ZNF276: variants seen among roughly 807,000 people sequenced by gnomAD.
ZNF276 encodes the protein zinc finger protein 276.
ZNF276 carries 59 observed loss-of-function variants against 63.9 expected under a neutral mutation model. The ratio of observed to expected loss-of-function variants is 0.92; its 90% CI spans 0.75 to 1.15. The LOEUF (loss-of-function observed/expected upper bound fraction) is 1.15, where lower values mean the gene tolerates loss of function less well. Among genes scored for constraint, ZNF276 ranks in the 50% most tolerant of loss-of-function variants. ZNF276 has a pLI of 0.00. For missense variants in ZNF276, 1,084 were observed against 843.8 expected (o/e 1.28, Z -3.53); for synonymous variants, 496 against 348.4 (o/e 1.42, Z -4.72).
At chr16:89,729,414 AC>A in intron 6 of ZNF276, 96 bp downstream of exon 6, 1 of 1,103,128 alleles carries the variant, frequency 9.1e-7, no homozygotes, top group Non-Finnish European at 1.4e-6. Flanking sequence ...CACTCAGTTC[AC>A]TCTCTCGTGT....
intron 9 of ZNF276, chr16:89,737,464 T>G (rs1598040533): frequency 3.4e-6 from 1 of 293,742 alleles, no homozygotes; most frequent in Non-Finnish European, 6.5e-6. Context: ...CAGGTTGCAG[T>G]GAGCTGAGAT....
intron 9 of ZNF276, among the ~76,000 whole-genome samples, chr16:89,734,368 C>T (rs113390793): frequency 1.3e-5 from 2 of 152,210 alleles, no homozygotes; most frequent in African/African-American, 4.8e-5. Context: ...CTCTGTTGCC[C>T]AGGCTGGAGT....
chr16:89,722,554 G>T lies in ZNF276; in HGVS notation c.229G>T (p.Gly77Cys), dbSNP rs757718339. 4 of 1,612,174 alleles carry T rather than the reference G, an allele frequency of 2.5e-6. No individual in the cohort carries two copies. Among genetic ancestry groups the T allele is most frequent in the South Asian group, 2.2e-5 (2 of 91,066 alleles). ...EAGAGRALAMGHCRLCHGKFS... is the reference protein window; with the variant it reads ...EAGAGRALAMCHCRLCHGKFS... ...AGGAGCAGGCCGGGCTCTCGCCATG[G>T]GTCACTGTCGCCTCTGCCACGGGAA... is the stretch of plus-strand genomic sequence containing the variant. The change falls in exon 2 of 11, where the codon GGT becomes TGT. Residue 77 changes from glycine to cysteine, a missense_variant. Physicochemically the swap from Gly to Cys is radical, Grantham distance 159. Coordinates refer to ENST00000443381, the MANE Select transcript of ZNF276 (RefSeq NM_001113525.2).
At position 89,739,727 on chromosome 16, in the gene ZNF276, T is replaced by TG. The variant is rs942826434; in HGVS notation, c.*1488dup. 4.9e-5 allele frequency: 73 copies of TG among 1,498,998 alleles called. No individual in the cohort carries two copies. Among genetic ancestry groups the TG allele is most frequent in the Middle Eastern group, 4.1e-4 (2 of 4,932 alleles). The allele number at this position is 1,498,998 out of a possible 1,614,324, so 92.9% of individuals were successfully genotyped here. On this transcript the variant is annotated 3_prime_UTR_variant, in exon 11 of 11. Coordinates refer to ENST00000443381, the MANE Select transcript of ZNF276 (RefSeq NM_001113525.2). ...GTACCTGTCAGCAGCTGGGAGAGGA[T>TG]GGGGGGGTCGACCTCTTGCAGGAGG...
rs114747140 is a variant in ZNF276 at position 89,729,360 on chromosome 16, C to T, written c.1169+42C>T. 3.7e-3 allele frequency: 5,769 copies of T among 1,566,510 alleles called. 121 individuals are homozygous for T. In the African/African-American group the frequency reaches 0.053, roughly 14 times the overall value. Reference sequence around the variant, plus strand: ...GGGTCTGCTGGAGGCATCCGTTGGGCGACCTAGACACCCGCCTGTGCTCCA... The same window carrying T: ...GGGTCTGCTGGAGGCATCCGTTGGGTGACCTAGACACCCGCCTGTGCTCCA... On this transcript the variant is annotated intron_variant, in intron 6 of 10. Transcript: ENST00000443381.
Position 89,739,280 on chromosome 16 carries a change from G to A in ZNF276, c.*1034G>A. 1 of 1,614,142 alleles carries A rather than the reference G, an allele frequency of 6.2e-7. No homozygotes were observed. On this transcript the variant is annotated 3_prime_UTR_variant, in exon 11 of 11. Coordinates refer to ENST00000443381, the MANE Select transcript of ZNF276 (RefSeq NM_001113525.2). ...TGATGGCCGCGTCTTCATGGAAGTA[G>A]GAGAGAAGACTAGAGGTAAAGACAT...
chr16:89,734,054 G>A lies in ZNF276; in HGVS notation c.1474+16G>A. ...ATCCACACAGGTACGCCTATCGCCA[G>A]TGTCGCCCACGCGGGTGACAGCCAG... is the stretch of plus-strand genomic sequence containing the variant. On this transcript the variant is annotated intron_variant, in intron 9 of 10. Transcript: ENST00000443381. 6.2e-7 allele frequency: 1 copy of A among 1,611,330 alleles called. No homozygotes were observed. The highest frequency in any genetic ancestry group is 1.3e-5 in the African/African-American group (1 of 75,022).
At chr16:89,735,622 A>G (rs2061833984) in intron 9 of ZNF276, among the ~76,000 whole-genome samples, 1 of 152,082 alleles carries the variant, frequency 6.6e-6, no homozygotes, top group Non-Finnish European at 1.5e-5. Flanking sequence ...CTGTAATCGC[A>G]GCACTTTGGA....
At chr16:89,723,218 C>T (rs747430260) in intron 3 of ZNF276, 35 bp downstream of exon 3, 2 of 1,612,958 alleles carry the variant, frequency 1.2e-6, no homozygotes. Flanking sequence ...GGGCTGGGTG[C>T]CGACCAGCCG....
intron 8 of ZNF276, 85 bp from the exon 9 acceptor site, chr16:89,733,836 G>A: frequency 7.8e-7 from 1 of 1,287,334 alleles, no homozygotes; most frequent in Non-Finnish European, 1.1e-6. Flanking sequence ...CTGCCTTCCA[G>A]GGGCCTCAGC....
chr16:89,720,920 C>G, upstream of ZNF276: 1 of 1,259,594 alleles, frequency 7.9e-7, no homozygotes, highest in Non-Finnish European at 1.0e-6. Flanking sequence ...GACCGGAGGC[C>G]CGGAACGCAG....
intron 1 of ZNF276, 63 bp from the exon 2 acceptor site, chr16:89,722,468 G>T (rs575354179): frequency 2.0e-6 from 3 of 1,522,958 alleles, no homozygotes; most frequent in African/African-American, 2.8e-5. Flanking sequence ...CCTGGAGTCC[G>T]GGACGCCCTG....
At chr16:89,726,866 G>A (rs2061486609) in intron 4 of ZNF276, among the ~76,000 whole-genome samples, 2 of 151,972 alleles carry the variant, frequency 1.3e-5, no homozygotes, top group South Asian at 2.1e-4. Context: ...GGCTGGTCTC[G>A]ATCTCCTGAC....
upstream of ZNF276, chr16:89,721,488 C>T (rs2151653091): frequency 7.9e-6 from 6 of 761,424 alleles, no homozygotes; most frequent in Non-Finnish European, 1.1e-5. Flanking sequence ...CCCCTGGCCC[C>T]TGGCCCGCCC....
chr16:89,737,381 C>T (rs564924358), intron 9 of ZNF276, among the ~76,000 whole-genome samples: 28 of 150,766 alleles, frequency 1.9e-4, no homozygotes, highest in African/African-American at 3.6e-4. Context: ...ATCAGCTGGG[C>T]GTGGTGGGGG....
At chr16:89,728,337 G>A (rs1224774044) in intron 5 of ZNF276, among the ~76,000 whole-genome samples, 4 of 150,982 alleles carry the variant, frequency 2.6e-5, no homozygotes, top group African/African-American at 4.9e-5. Flanking sequence ...TGATTCTCCC[G>A]CCTCAGCCTC....
At chr16:89,722,456 GAC>G (rs2061326371) in intron 1 of ZNF276, 73 bp from the exon 2 acceptor site, 1 of 1,495,696 alleles carries the variant, frequency 6.7e-7, no homozygotes, top group Non-Finnish European at 9.0e-7. Flanking sequence ...GCTGCCCTCG[GAC>G]CTGGAGTCCG....
rs779679071 is a variant in ZNF276, at chr16:89,737,922, AC to A, written c.1574+22del. ...GCCTTTGCAGTAAGTGTGAGTCAGG[AC>A]CCCCTCCCAGGGCTGTGGCCCTCGC... On this transcript the variant is annotated intron_variant, in intron 10 of 10. Transcript: ENST00000443381. 6.4e-6 allele frequency: 10 copies of A among 1,556,070 alleles called. No homozygotes were observed. The African/African-American group carries it at 6.7e-5, about 10-fold the overall frequency.
At position 89,740,636 on chromosome 16, in the gene ZNF276, CA is replaced by C. The variant is rs371709074; in HGVS notation, c.*2408del. The C allele has an allele frequency of 0.11, 50,041 of 444,902 alleles. 70 individuals are homozygous for C. The highest frequency in any genetic ancestry group is 0.14 in the South Asian group (5,956 of 41,792). The allele number at this position is 444,902 out of a possible 1,614,324, so 27.6% of individuals were successfully genotyped here. A position where few individuals can be genotyped will look rare whatever the true frequency, so the allele number is the denominator to read the frequency against. On this transcript the variant is annotated 3_prime_UTR_variant, in exon 11 of 11. Coordinates refer to ENST00000443381, the MANE Select transcript of ZNF276 (RefSeq NM_001113525.2). ...GGGTGACAGAGTGAGACCCCCATCT[CA>C]AAAAAAAAAAAAAAAAACCCACGGC... is the stretch of plus-strand genomic sequence containing the variant.
Sources: gnomAD v4.1 joint callset for allele counts (sites outside exome capture counted in the v4.1 genomes callset) on GRCh38, gnomAD v4.1.1 for gene constraint, MANE v1.5 for transcripts, NCBI Gene and HGNC (gene_info 2026-07-23, HGNC 2026-07-21) for gene names.